The following AGBL1 variants were observed in gnomAD, a reference collection of about 807,000 sequenced individuals.
AGBL1 encodes the protein cytosolic carboxypeptidase 4.
Under a neutral mutation model 118.9 loss-of-function variants are expected in AGBL1, and 130 were observed. The observed-to-expected ratio is 1.09, with a 90% CI of 0.95 to 1.26. AGBL1 has a LOEUF of 1.26. Among genes scored for constraint, AGBL1 ranks in the 50% most tolerant of loss-of-function variants. The pLI, the probability that AGBL1 is intolerant of heterozygous loss-of-function variation, is 0.00. For missense variants in AGBL1, 1,584 were observed against 1,298.1 expected (o/e 1.22, Z -3.38); for synonymous variants, 555 against 478.9 (o/e 1.16, Z -2.08).
At chr15:87,004,347 ACTTT>A (rs1172676492) in intron 24 of AGBL1, among the ~76,000 whole-genome samples, 4 of 152,202 alleles carry the variant, frequency 2.6e-5, no homozygotes, top group East Asian at 1.9e-4. Flanking sequence ...GTCTCTAAGG[ACTTT>A]CTTTATGAAT....
At chr15:86,437,772 A>G (rs994075876) in intron 18 of AGBL1, among the ~76,000 whole-genome samples, 8 of 152,166 alleles carry the variant, frequency 5.3e-5, no homozygotes, top group Non-Finnish European at 1.5e-5. Context: ...TTCTGTTTCT[A>G]TCATGAGTGG....
chr15:86,686,726 C>T (rs1172547307), intron 22 of AGBL1, among the ~76,000 whole-genome samples: 1 of 152,132 alleles, frequency 6.6e-6, no homozygotes, highest in Admixed American at 6.6e-5. Context: ...CATGAGCCAC[C>T]ATGCCTGGCC....
intron 17 of AGBL1, among the ~76,000 whole-genome samples, chr15:86,380,022 T>C (rs896957547): frequency 2.6e-5 from 4 of 152,204 alleles, no homozygotes; most frequent in African/African-American, 9.6e-5. Context: ...TCTGGCACAA[T>C]CCTTTGGCAT....
At chr15:86,368,891 A>G (rs1032679223) in intron 17 of AGBL1, among the ~76,000 whole-genome samples, 5 of 152,208 alleles carry the variant, frequency 3.3e-5, no homozygotes, top group Non-Finnish European at 5.9e-5. Context: ...TAGAAACATC[A>G]TATTTAATTA....
chr15:86,927,858 C>T (rs546290711), intron 23 of AGBL1, among the ~76,000 whole-genome samples: 1 of 151,998 alleles, frequency 6.6e-6, no homozygotes, highest in Admixed American at 6.6e-5. Flanking sequence ...ATTACCTGAC[C>T]TCACCCTTCC....
intron 5 of AGBL1, among the ~76,000 whole-genome samples, chr15:86,203,633 C>CTACCTTTACTCTGTT (rs1341227780): frequency 1.3e-5 from 2 of 152,188 alleles, no homozygotes; most frequent in African/African-American, 4.8e-5. Context: ...TGGACTGTGG[C>CTACCTTTACTCTGTT]TACCTTTACT....
At chr15:86,847,613 T>G (rs1380891049) in intron 22 of AGBL1, among the ~76,000 whole-genome samples, 1 of 152,222 alleles carries the variant, frequency 6.6e-6, no homozygotes, top group South Asian at 2.1e-4. Flanking sequence ...GAGGTTGCAC[T>G]CAACCTCTCA....
chr15:86,166,074 C>T lies in AGBL1; in HGVS notation c.488+7048C>T, dbSNP rs2141732053. The stretch of plus-strand genomic sequence containing the variant: ...CGAAGGTCTTAAGGGACCTTCTTAT[C>T]ATCTCCTTCATCTTAAAATGAGGTC... On this transcript the variant is annotated intron_variant, in intron 5 of 22. Coordinates refer to ENST00000614907, the MANE Select transcript of AGBL1 (RefSeq NM_001386094.1). Among the ~76,000 whole-genome samples, 3 of 152,292 alleles carry T rather than the reference C, an allele frequency of 2.0e-5. No homozygotes were observed. In the Middle Eastern group the frequency reaches 0.01, roughly 518 times the overall value.
intron 6 of AGBL1, among the ~76,000 whole-genome samples, chr15:86,229,292 G>T (rs956535648): frequency 6.6e-6 from 1 of 152,104 alleles, no homozygotes; most frequent in African/African-American, 2.4e-5. Flanking sequence ...GGGCTGAGGA[G>T]GCCTCAGGAA....
intron 21 of AGBL1, among the ~76,000 whole-genome samples, chr15:86,673,884 T>A (rs1391293068): frequency 6.6e-6 from 1 of 152,180 alleles, no homozygotes; most frequent in Non-Finnish European, 1.5e-5. Context: ...AGTTATCTCT[T>A]AGTAAGATTC....
chr15:86,961,751 C>T (rs906864544), intron 23 of AGBL1, among the ~76,000 whole-genome samples: 1 of 152,058 alleles, frequency 6.6e-6, no homozygotes, highest in African/African-American at 2.4e-5. Context: ...TCTAGTTTAG[C>T]CACTCCTGGA....
At chr15:86,519,191 T>C (rs139956233) in intron 18 of AGBL1, among the ~76,000 whole-genome samples, 3 of 152,170 alleles carry the variant, frequency 2.0e-5, no homozygotes, top group Admixed American at 2.0e-4. Context: ...TTATATAAAA[T>C]GGCTTAGTAC....
At chr15:86,253,259 G>A (rs1013382182) in intron 7 of AGBL1, among the ~76,000 whole-genome samples, 1 of 151,844 alleles carries the variant, frequency 6.6e-6, no homozygotes, top group Admixed American at 6.6e-5. Flanking sequence ...TTTTTTGTTT[G>A]TTTTGTTTTG....
chr15:86,776,750 ATGTG>A (rs10570012), intron 22 of AGBL1, among the ~76,000 whole-genome samples: 10,164 of 139,440 alleles, frequency 0.073, 839 homozygotes, highest in African/African-American at 0.19. Flanking sequence ...ATATATATAT[ATGTG>A]TGTGTGTGTG....
rs189751057 is a variant in AGBL1, at chr15:86,572,032, G to A, written c.2994+17495G>A. 3.9e-5 allele frequency among the ~76,000 whole-genome samples: 6 copies of A among 152,322 alleles called. No individual in the cohort carries two copies. The South Asian group carries it at 1.2e-3, about 32-fold the overall frequency. ...TCCTGAGGGGGCCAAGCCGGCAGGC[G>A]TCTGGCATGTCAGCTCTACCCCGAC... is the stretch of plus-strand genomic sequence containing the variant. On this transcript the variant is annotated intron_variant, in intron 21 of 22. Coordinates refer to ENST00000614907, the MANE Select transcript of AGBL1 (RefSeq NM_001386094.1).
chr15:86,695,742 G>A (rs553108307), intron 22 of AGBL1, among the ~76,000 whole-genome samples: 1 of 151,688 alleles, frequency 6.6e-6, no homozygotes, highest in South Asian at 2.1e-4. Context: ...GATTATGAAT[G>A]TTCCTCTTAG....
intron 6 of AGBL1, among the ~76,000 whole-genome samples, chr15:86,235,396 A>AC (rs568872531): frequency 5.3e-5 from 8 of 152,372 alleles, no homozygotes; most frequent in Admixed American, 3.3e-4. Context: ...ACTCTAGGGA[A>AC]TCAAAGGTTA....
chr15:86,549,355 A>G (rs1452906796), intron 20 of AGBL1, among the ~76,000 whole-genome samples: 1 of 152,122 alleles, frequency 6.6e-6, no homozygotes, highest in Non-Finnish European at 1.5e-5. Flanking sequence ...TGAGCACTAC[A>G]TTTGCCCAAA....
At chr15:86,505,498 C>T (rs1258619916) in intron 18 of AGBL1, among the ~76,000 whole-genome samples, 1 of 151,776 alleles carries the variant, frequency 6.6e-6, no homozygotes, top group Admixed American at 6.6e-5. Context: ...GTGGATAACC[C>T]CTTCCAGTCA....
Sources: allele counts gnomAD v4.1 joint callset (sites outside exome capture counted in the v4.1 genomes callset), GRCh38; gene constraint gnomAD v4.1.1; transcripts MANE v1.5; gene names NCBI Gene and HGNC (gene_info 2026-07-23, HGNC 2026-07-21).